The following NUMA1 variants were observed in gnomAD, a reference collection of about 807,000 sequenced individuals.
The protein encoded by NUMA1 is SP-H antigen.
In NUMA1, 62 loss-of-function variants were observed where a neutral mutation model predicts 237.1. That is an observed-to-expected ratio of 0.26 (90% confidence interval 0.21 to 0.32). The LOEUF is 0.32. Among genes scored for constraint, NUMA1 ranks in the 10% least tolerant of loss-of-function variants. The pLI is 1.00. For synonymous variants in NUMA1, 1,028 were observed against 1,066.1 expected (o/e 0.96, Z 0.70); for missense variants, 2,533 against 2,666.5 (o/e 0.95, Z 1.10).
intron 4 of NUMA1, among the ~76,000 whole-genome samples, chr11:72,026,028 A>AT (rs1022076990): frequency 2.6e-5 from 4 of 152,216 alleles, no homozygotes; most frequent in African/African-American, 9.6e-5. Context: ...TAAACTGAAC[A>AT]TTTTTTATAG....
chr11:72,012,259 G>T lies in NUMA1; in HGVS notation c.4650+142C>A, dbSNP rs1956205737. 3 of 781,720 alleles carry T rather than the reference G, an allele frequency of 3.8e-6. No individual in the cohort carries two copies. The Admixed American group carries it at 5.8e-5, about 15-fold the overall frequency. 48.4% of individuals were successfully genotyped at this position (781,720 alleles called of 1,614,324 possible). ...CACACCACACTCCTGGGCAGCCTGG[G>T]CCTGGATTCCATGGCTTGACCCTGC... On this transcript the variant is annotated intron_variant, in intron 16 of 26. Coordinates refer to ENST00000393695, the MANE Select transcript of NUMA1 (RefSeq NM_006185.4).
intron 8 of NUMA1, 106 bp downstream of exon 8, chr11:72,021,098 C>G: frequency 1.1e-6 from 1 of 881,604 alleles, no homozygotes; most frequent in East Asian, 2.6e-5. Context: ...TCAACTCTGC[C>G]TTGTGTTGGG....
At chr11:72,022,133 A>C in intron 7 of NUMA1, 2 of 470,146 alleles carry the variant, frequency 4.3e-6, no homozygotes, top group Non-Finnish European at 7.6e-6. Context: ...TTAAAAAGTT[A>C]GCAAACTCTG....
In NUMA1 at chr11:72,013,788, G is replaced by A. The variant is rs373028376; in HGVS notation, c.3715C>T (p.Arg1239Cys). The A allele has an allele frequency of 6.2e-6, 10 of 1,609,902 alleles. No individual in the cohort carries two copies. The highest frequency in any genetic ancestry group is 2.2e-5 in the East Asian group (1 of 44,886). Residue 1239 changes from arginine to cysteine, a missense_variant, in exon 15 of 27, where the codon CGC (arginine) becomes TGC (cysteine). By Grantham distance (180) the Arg-to-Cys change is radical. Coordinates refer to ENST00000393695, the MANE Select transcript of NUMA1 (RefSeq NM_006185.4). The surrounding 1 kb of genome is among the most constrained non-coding windows in gnomAD (Gnocchi z 6.8). ...SLEEEVSILN[R>C]QVLEKEGESK... ...TCCCCCTCCTTCTCCAGGACCTGGC[G>A]ATTCAGGATGGACACCTCCTCCTCC...
At chr11:72,077,281 T>C (rs1286161591) in intron 1 of NUMA1, among the ~76,000 whole-genome samples, 2 of 152,178 alleles carry the variant, frequency 1.3e-5, no homozygotes, top group Non-Finnish European at 2.9e-5. Context: ...GCCCCCAGTA[T>C]ATAGTGATTT....
In NUMA1 at chr11:72,005,295, G is replaced by A. The variant is rs1482097113; in HGVS notation, c.5767C>T (p.Leu1923=). ...QLDDWNRIAE[L]QQRNRVCPPH... The stretch of plus-strand genomic sequence containing the variant: ...GGGCACACTCGATTGCGCTGCTGCA[G>A]CTCTGCAATGCGGTTCCAGTCATCC... The change falls in exon 23 of 27, where the codon CTG becomes TTG. Residue 1923 remains leucine, a synonymous_variant. Transcript: ENST00000393695. 6.2e-7 allele frequency: 1 copy of A among 1,609,716 alleles called. No individual in the cohort carries two copies. Among genetic ancestry groups the A allele is most frequent in the South Asian group, 1.1e-5 (1 of 90,510 alleles).
chr11:72,025,418 A>C, intron 4 of NUMA1, among the ~76,000 whole-genome samples: 1 of 151,938 alleles, frequency 6.6e-6, no homozygotes. Context: ...TCTCCAAAAA[A>C]AAAAAAGAAT....
At chr11:72,005,694 G>C in intron 22 of NUMA1, 1 of 493,686 alleles carries the variant, frequency 2.0e-6, no homozygotes. Flanking sequence ...GCTCCCTGGT[G>C]CCCAAAGGAC....
At chr11:72,010,586 G>A (rs1460046080) in intron 17 of NUMA1, among the ~76,000 whole-genome samples, 200 bp downstream of exon 17, 2 of 152,222 alleles carry the variant, frequency 1.3e-5, no homozygotes, top group Non-Finnish European at 2.9e-5. Flanking sequence ...TGACAGTTGA[G>A]AGATGGGAAC....
intron 2 of NUMA1, chr11:72,040,663 T>G (rs566162145): frequency 6.6e-6 from 1 of 152,334 alleles, no homozygotes; most frequent in Admixed American, 6.5e-5. Flanking sequence ...CAGCTCAACG[T>G]GCAGGCAAAC....
At chr11:72,047,244 A>G (rs1323173546) in intron 2 of NUMA1, among the ~76,000 whole-genome samples, 1 of 152,136 alleles carries the variant, frequency 6.6e-6, no homozygotes, top group Non-Finnish European at 1.5e-5. Flanking sequence ...CCAAGGTGGG[A>G]GGATAATTTG....
chr11:72,017,957 C>A, intron 12 of NUMA1, 130 bp from the exon 13 acceptor site: 1 of 1,122,986 alleles, frequency 8.9e-7, no homozygotes, highest in Non-Finnish European at 1.3e-6. Flanking sequence ...CCAATCACAG[C>A]CATCACACCT....
intron 2 of NUMA1, among the ~76,000 whole-genome samples, chr11:72,049,106 C>A (rs974220179): frequency 1.3e-5 from 2 of 152,154 alleles, no homozygotes; most frequent in Non-Finnish European, 2.9e-5. Flanking sequence ...TACAAAACAG[C>A]TAAGAACCTC....
intron 7 of NUMA1, chr11:72,022,105 G>A: frequency 2.5e-6 from 1 of 402,802 alleles, no homozygotes; most frequent in Non-Finnish European, 4.5e-6. Flanking sequence ...CATAAAAAAG[G>A]ACTTGAAAGT....
chr11:72,055,098 A>C (rs1942565347), intron 2 of NUMA1, among the ~76,000 whole-genome samples: 1 of 152,206 alleles, frequency 6.6e-6, no homozygotes, highest in Non-Finnish European at 1.5e-5. Context: ...TCAACAAAAA[A>C]AAATGAGACA....
At position 72,005,304 on chromosome 11, in the gene NUMA1, T is replaced by C. The variant is rs573921348; in HGVS notation, c.5758A>G (p.Ile1920Val). The C allele has an allele frequency of 2.5e-6, 4 of 1,609,084 alleles. No homozygotes were observed. The African/African-American group carries it at 4.0e-5, about 16-fold the overall frequency. ...CGATTGCGCTGCTGCAGCTCTGCAA[T>C]GCGGTTCCAGTCATCCAGCTGCTCA... ...EPEQLDDWNR[I>V]AELQQRNRVC... is the part of the protein sequence containing the mutation. Residue 1920 changes from isoleucine (I) to valine (V), a missense_variant, in exon 23 of 27, where the codon ATT (isoleucine) becomes GTT (valine). Coordinates refer to ENST00000393695, the MANE Select transcript of NUMA1 (RefSeq NM_006185.4).
intron 2 of NUMA1, chr11:72,041,241 G>A (rs936230570): frequency 5.3e-5 from 8 of 152,192 alleles, no homozygotes; most frequent in African/African-American, 1.9e-4. Context: ...CCAGAGGGAG[G>A]GGGTGCACTG....
At position 72,004,239 on chromosome 11, in the gene NUMA1, C is replaced by G; in HGVS notation, c.6109G>C (p.Ala2037Pro). ...TTEAQKKAAP[A>P]STKQADRRQS... is the part of the protein sequence containing the mutation. ...CCCAGCCTCACCTGTTTAGTAGAAG[C>G]TGGAGCTGCTTTCTTCTGGGCCTCA... The change falls in exon 25 of 27, where the codon GCT becomes CCT. Residue 2037 changes from alanine (A) to proline (P), a missense_variant. Coordinates refer to ENST00000393695, the MANE Select transcript of NUMA1 (RefSeq NM_006185.4). The G allele has an allele frequency of 6.2e-7, 1 of 1,611,574 alleles. No homozygotes were observed.
intron 4 of NUMA1, among the ~76,000 whole-genome samples, chr11:72,025,218 T>C (rs1358158796): frequency 6.6e-6 from 1 of 152,166 alleles, no homozygotes; most frequent in African/African-American, 2.4e-5. Flanking sequence ...TAGTGGTTCT[T>C]GTCTGTACTT....
Sources: allele counts gnomAD v4.1 joint callset (sites outside exome capture counted in the v4.1 genomes callset), GRCh38; gene constraint gnomAD v4.1.1; non-coding constraint Gnocchi (gnomAD v3.1); transcripts MANE v1.5; gene names NCBI Gene and HGNC (gene_info 2026-07-23, HGNC 2026-07-21).